KANK4: variants seen among roughly 807,000 people sequenced by gnomAD.
KANK4 encodes the protein KN motif and ankyrin repeat domain-containing protein 4.
KANK4 carries 50 observed loss-of-function variants against 80.8 expected under a neutral mutation model. The observed-to-expected ratio is 0.62, with a 90% CI of 0.49 to 0.78. The LOEUF is 0.78. KANK4 is among the 30% of genes least tolerant of loss of function. The pLI is 0.00. For synonymous variants in KANK4, 465 were observed against 506.9 expected, an observed-to-expected ratio of 0.92 and a Z score of 1.11; for missense variants, 1,196 against 1,240.1, an observed-to-expected ratio of 0.96 and a Z score of 0.53.
chr1:62,287,238 G>T (rs985103074), intron 1 of KANK4, among the ~76,000 whole-genome samples: 9 of 152,320 alleles, frequency 5.9e-5, no homozygotes, highest in African/African-American at 1.9e-4. Context: ...TGAAAGGAGC[G>T]GGGATGGTCC....
rs1557484004 is a variant in KANK4 at position 62,268,325 on chromosome 1, A to G, written c.2193T>C (p.Ser731=). The change falls in exon 5 of 10, where the codon AGT becomes AGC. Residue 731 remains serine (S), a synonymous_variant. Transcript: ENST00000371153. Reference sequence around the variant, plus strand: ...AGTGGGGGACTTCTTCCCCAGGCCCACTTTCCTGGGCAGCATGGCAGGTGC... The same window carrying G: ...AGTGGGGGACTTCTTCCCCAGGCCCGCTTTCCTGGGCAGCATGGCAGGTGC... ...PEGTCHAAQE[S]GPGEEVPHSK... is the part of the protein sequence containing the mutation. The G allele has an allele frequency of 3.7e-6, 6 of 1,613,768 alleles. No homozygotes were observed. Among genetic ancestry groups the G allele is most frequent in the Non-Finnish European group, 5.1e-6 (6 of 1,179,930 alleles).
intron 7 of KANK4, among the ~76,000 whole-genome samples, chr1:62,256,922 CTTGA>C (rs1050961768): frequency 2.6e-5 from 4 of 152,116 alleles, no homozygotes; most frequent in Non-Finnish European, 5.9e-5. Context: ...ATTTCTACAC[CTTGA>C]TTATTTTCTG....
chr1:62,285,601 C>T (rs1017181109), intron 1 of KANK4, among the ~76,000 whole-genome samples: 1 of 152,052 alleles, frequency 6.6e-6, no homozygotes, highest in Non-Finnish European at 1.5e-5. Flanking sequence ...GGCTGCATGC[C>T]AAAATAAATA....
rs1405965513 is a variant in KANK4, at chr1:62,273,659, C to A, written c.1445G>T (p.Gly482Val). The change falls in exon 3 of 10, where the codon GGA becomes GTA. Residue 482 changes from glycine (G) to valine (V), a missense_variant. By Grantham distance (109) the Gly-to-Val change is moderately radical. Coordinates refer to ENST00000371153, the MANE Select transcript of KANK4 (RefSeq NM_181712.5). ...AGAGGAGGTAAGGACCTGCTCGGGT[C>A]CCTGTGGCAGTGACAGCTGGGGCAG... ...VLLPQLSLPQGPEQVLTSSVH... is the reference protein window; with the variant it reads ...VLLPQLSLPQVPEQVLTSSVH... 1.2e-6 allele frequency: 2 copies of A among 1,614,134 alleles called. No individual in the cohort carries two copies. The highest frequency in any genetic ancestry group is 1.7e-5 in the Admixed American group (1 of 60,030).
At chr1:62,243,677 G>A (rs953326650) in intron 9 of KANK4, among the ~76,000 whole-genome samples, 2 of 152,120 alleles carry the variant, frequency 1.3e-5, no homozygotes, top group Non-Finnish European at 2.9e-5. Context: ...GTGCGTTGTA[G>A]GATGTTTAGC....
At position 62,263,124 on chromosome 1, in the gene KANK4, T is replaced by G; in HGVS notation, c.2507A>C (p.Asn836Thr). The change falls in exon 7 of 10, where the codon AAC becomes ACC. Residue 836 changes from asparagine (N) to threonine (T), a missense_variant. This residue lies in a region of KANK4 where 1,154 missense variants were observed against 1,179.6 expected (regional missense o/e 0.98). Coordinates refer to ENST00000371153, the MANE Select transcript of KANK4 (RefSeq NM_181712.5). ...TALHYSVSHS[N>T]FSIVKLLLET... is the part of the protein sequence containing the mutation. The stretch of plus-strand genomic sequence containing the variant: ...CAGCAGCAGCTTCACGATGGAGAAG[T>G]TGGAGTGGGACACGCTGTAGTGAAG... 1 of 1,613,490 alleles carries G rather than the reference T, an allele frequency of 6.2e-7. No homozygotes were observed. The highest frequency in any genetic ancestry group is 8.5e-7 in the Non-Finnish European group (1 of 1,179,710).
chr1:62,284,689 A>G (rs1672523787), intron 1 of KANK4, among the ~76,000 whole-genome samples: 2 of 152,146 alleles, frequency 1.3e-5, no homozygotes, highest in African/African-American at 4.8e-5. Flanking sequence ...ACCTGGTGTT[A>G]TTACGTTACT....
chr1:62,270,709 C>G (rs1427657371), intron 4 of KANK4, among the ~76,000 whole-genome samples: 1 of 152,050 alleles, frequency 6.6e-6, no homozygotes, highest in Non-Finnish European at 1.5e-5. Flanking sequence ...TGATGTTTCC[C>G]CTTGTTGGCG....
chr1:62,275,908 GGGGAA>G (rs1156280449), intron 2 of KANK4, among the ~76,000 whole-genome samples: 3 of 139,736 alleles, frequency 2.1e-5, no homozygotes, highest in Admixed American at 7.5e-5. Flanking sequence ...GGAAGGGGAA[GGGGAA>G]GGGAAGGGAA....
intron 7 of KANK4, among the ~76,000 whole-genome samples, chr1:62,256,610 C>T (rs1247691088): frequency 4.6e-5 from 7 of 151,940 alleles, no homozygotes; most frequent in African/African-American, 7.3e-5. Context: ...CTCGAACTCC[C>T]GACCTCAGGT....
chr1:62,300,865 G>A (rs1450532341), intron 1 of KANK4, among the ~76,000 whole-genome samples: 1 of 152,054 alleles, frequency 6.6e-6, no homozygotes, highest in African/African-American at 2.4e-5. Flanking sequence ...TAGCAAGTCT[G>A]GCAAGCAGTC....
intron 1 of KANK4, among the ~76,000 whole-genome samples, chr1:62,287,785 G>A (rs1446906059): frequency 2.0e-5 from 3 of 152,136 alleles, no homozygotes; most frequent in Non-Finnish European, 4.4e-5. Context: ...ACTTTGCAAA[G>A]TACACAGGAT....
intron 1 of KANK4, among the ~76,000 whole-genome samples, chr1:62,295,674 A>G (rs1453971792): frequency 6.6e-6 from 1 of 152,260 alleles, no homozygotes; most frequent in African/African-American, 2.4e-5. Context: ...CCAAGGTCAG[A>G]GTCTGCTTTT....
In KANK4 at chr1:62,304,564, A is replaced by G. The variant is rs528684152; in HGVS notation, c.-71+14542T>C. On this transcript the variant is annotated intron_variant, in intron 1 of 9. Transcript: ENST00000371153. ...TCCCCAGCTCCTGTCTGCCCCCTCC[A>G]CTGACCTCAGGTGACCTCCAAACTG... Among the ~76,000 whole-genome samples, 3 of 151,514 alleles carry G rather than the reference A, an allele frequency of 2.0e-5. No homozygotes were observed. The East Asian group carries it at 5.8e-4, about 30-fold the overall frequency.
chr1:62,280,470 T>C (rs1571015689), intron 2 of KANK4, among the ~76,000 whole-genome samples: 2 of 152,292 alleles, frequency 1.3e-5, no homozygotes, highest in South Asian at 4.1e-4. Context: ...AGGCAACTCT[T>C]GAAATAAATG....
chr1:62,315,129 A>T (rs1417007015), intron 1 of KANK4, among the ~76,000 whole-genome samples: 1 of 152,140 alleles, frequency 6.6e-6, no homozygotes, highest in Admixed American at 6.5e-5. Flanking sequence ...CTTAGTCCAA[A>T]CTTGGTCTGG....
chr1:62,276,604 C>G (rs1672320427), intron 2 of KANK4, among the ~76,000 whole-genome samples: 1 of 152,078 alleles, frequency 6.6e-6, no homozygotes, highest in East Asian at 1.9e-4. Flanking sequence ...GGTGAAACCC[C>G]ATCTCTACTA....
chr1:62,300,169 A>T (rs1286255231), intron 1 of KANK4, among the ~76,000 whole-genome samples: 1 of 152,190 alleles, frequency 6.6e-6, no homozygotes, highest in Non-Finnish European at 1.5e-5. Flanking sequence ...GCTCAGAGAA[A>T]GAGACCACAA....
In KANK4 at chr1:62,274,503, C is replaced by T; in HGVS notation, c.601G>A (p.Asp201Asn). 6.2e-7 allele frequency: 1 copy of T among 1,614,230 alleles called. No individual in the cohort carries two copies. Among genetic ancestry groups the T allele is most frequent in the Non-Finnish European group, 8.5e-7 (1 of 1,180,050 alleles). The change falls in exon 3 of 10, where the codon GAT (aspartate) becomes AAT (asparagine). Residue 201 changes from aspartate to asparagine, a missense_variant. This residue lies in a region of KANK4 where 1,154 missense variants were observed against 1,179.6 expected (regional missense o/e 0.98). Transcript: ENST00000371153. ...CCTTCTGCAGGTTCAAAGGTGCCAT[C>T]ACAGACACTGCCTTCACCCTGAAGG... Reference protein sequence around the residue: ...PPLQGEGSVCDGTFEPAEGLA... With the variant: ...PPLQGEGSVCNGTFEPAEGLA...
Sources: gnomAD v4.1 joint callset for allele counts (sites outside exome capture counted in the v4.1 genomes callset) on GRCh38, gnomAD v4.1.1 for gene constraint, gnomAD v4.1.1 regional missense constraint, MANE v1.5 for transcripts, NCBI Gene and HGNC (gene_info 2026-07-23, HGNC 2026-07-21) for gene names.